Variants in HLCS observed in about 807,000 individuals in gnomAD.
HLCS encodes the protein holocarboxylase synthetase.
In HLCS, 53 loss-of-function variants were observed where a neutral mutation model predicts 75.0. The observed-to-expected ratio is 0.71, with a 90% CI of 0.57 to 0.89. HLCS has a LOEUF of 0.89. HLCS is among the 40% of genes least tolerant of loss of function. HLCS has a pLI of 0.00. For missense variants in HLCS, 966 were observed against 1,074.0 expected (o/e 0.90, Z 1.41); for synonymous variants, 431 against 428.6 (o/e 1.01, Z -0.07).
In HLCS at chr21:36,842,288, G is replaced by A. The variant is rs2062641209; in HGVS notation, c.1892+54572C>T. Among the ~76,000 whole-genome samples the A allele has an allele frequency of 1.3e-5, 2 of 152,172 alleles. No individual in the cohort carries two copies. The highest frequency in any genetic ancestry group is 4.8e-5 in the African/African-American group (2 of 41,438). ...TCAGGACAGTGTTCCCCAAAGGGAG[G>A]ATGCAGATGGGAAGGGACCTGAAGG... On this transcript the variant is annotated intron_variant, in intron 6 of 10. Transcript: ENST00000674895. The surrounding 1 kb of genome is among the most constrained non-coding windows in gnomAD (Gnocchi z 4.2).
At chr21:36,784,610 C>G (rs2060633801) in intron 6 of HLCS, among the ~76,000 whole-genome samples, 1 of 152,094 alleles carries the variant, frequency 6.6e-6, no homozygotes, top group Admixed American at 6.5e-5. Flanking sequence ...GCCACCATGC[C>G]CGGCCGGCCA....
intron 4 of HLCS, among the ~76,000 whole-genome samples, chr21:36,931,473 G>A (rs1255110545): frequency 6.6e-6 from 1 of 151,982 alleles, no homozygotes; most frequent in East Asian, 1.9e-4. Context: ...CAGGAGGCTG[G>A]GTATAAAGGC....
At chr21:36,954,552 C>T (rs1373452491) in intron 2 of HLCS, among the ~76,000 whole-genome samples, 2 of 146,224 alleles carry the variant, frequency 1.4e-5, no homozygotes, top group African/African-American at 5.1e-5. Context: ...GGAGGTGGAG[C>T]TTGCAGCGAG....
At chr21:36,832,692 C>T (rs946062069) in intron 6 of HLCS, among the ~76,000 whole-genome samples, 1 of 152,120 alleles carries the variant, frequency 6.6e-6, no homozygotes, top group Non-Finnish European at 1.5e-5. Flanking sequence ...CATGGGAGGC[C>T]ATTCCCTAAC....
At chr21:36,864,732 G>C (rs895801435) in intron 6 of HLCS, among the ~76,000 whole-genome samples, 1 of 152,146 alleles carries the variant, frequency 6.6e-6, no homozygotes, top group African/African-American at 2.4e-5. Flanking sequence ...TTAAAAAGAT[G>C]AATGGGCCTT....
intron 6 of HLCS, among the ~76,000 whole-genome samples, chr21:36,790,318 T>C (rs771953689): frequency 1.1e-4 from 16 of 152,100 alleles, no homozygotes; most frequent in Non-Finnish European, 1.9e-4. Context: ...GCAGGAGAAT[T>C]GCTTGAACCC....
intron 6 of HLCS, among the ~76,000 whole-genome samples, chr21:36,777,412 C>A (rs906213954): frequency 1.3e-5 from 2 of 152,264 alleles, no homozygotes; most frequent in African/African-American, 2.4e-5. Context: ...CGAAAACTGG[C>A]AGCAGGCCAG....
At chr21:36,786,976 C>A (rs1372960869) in intron 6 of HLCS, among the ~76,000 whole-genome samples, 2 of 152,204 alleles carry the variant, frequency 1.3e-5, no homozygotes. Flanking sequence ...GGGCCCAGCA[C>A]ACCCCCAAGT....
intron 5 of HLCS, among the ~76,000 whole-genome samples, chr21:36,914,618 T>C (rs2835531): frequency 0.36 from 54,728 of 152,132 alleles, 10,231 homozygotes; most frequent in Middle Eastern, 0.47. Context: ...TCATTTCTAA[T>C]AAGGCTGGTT....
intron 6 of HLCS, among the ~76,000 whole-genome samples, chr21:36,785,136 G>A (rs1037621803): frequency 1.3e-5 from 2 of 151,942 alleles, no homozygotes; most frequent in African/African-American, 2.4e-5. Context: ...TCACCACCCT[G>A]ACGCCCTGTG....
rs200081708 is a variant in HLCS, at chr21:36,893,168, TC to T, written c.1892+3691del. ...TCACTGCAACCTCTGCCTCCAAAGT[TC>T]AAGCAATTCTCCTGCCTCAGCCTCT... On this transcript the variant is annotated intron_variant, in intron 6 of 10. Coordinates refer to ENST00000674895, the MANE Select transcript of HLCS (RefSeq NM_001352514.2). Among the ~76,000 whole-genome samples, 1,442 of 152,250 alleles carry T rather than the reference TC, an allele frequency of 9.5e-3. 26 individuals are homozygous for T. Among genetic ancestry groups the T allele is most frequent in the African/African-American group, 0.033 (1,357 of 41,556 alleles).
chr21:36,960,596 C>T (rs2068240544), intron 2 of HLCS, among the ~76,000 whole-genome samples: 1 of 152,200 alleles, frequency 6.6e-6, no homozygotes, highest in East Asian at 1.9e-4. Flanking sequence ...TTTTGGTTCA[C>T]CCTGAATTCC....
intron 6 of HLCS, among the ~76,000 whole-genome samples, chr21:36,863,693 G>A (rs980651756): frequency 1.3e-5 from 2 of 152,210 alleles, no homozygotes; most frequent in Non-Finnish European, 2.9e-5. Flanking sequence ...GCATAGTAAT[G>A]AAAACTGAAA....
At chr21:36,976,328 T>C (rs975804692) in intron 1 of HLCS, among the ~76,000 whole-genome samples, 1 of 152,152 alleles carries the variant, frequency 6.6e-6, no homozygotes, top group Non-Finnish European at 1.5e-5. Context: ...ACAAAGAGGT[T>C]TGTGATACCC....
rs151190903 is a variant in HLCS at position 36,758,823 on chromosome 21, A to T, written c.2236+904T>A. Among the ~76,000 whole-genome samples the T allele has an allele frequency of 8.4e-3, 1,280 of 152,270 alleles. 17 individuals are homozygous for T. Among genetic ancestry groups the T allele is most frequent in the African/African-American group, 0.028 (1,177 of 41,542 alleles). On this transcript the variant is annotated intron_variant, in intron 9 of 10. Coordinates refer to ENST00000674895, the MANE Select transcript of HLCS (RefSeq NM_001352514.2). ...TAGTGAAACCCTGTGTCTACTAAAA[A>T]TACAAAAAAATTAGCTGGGTGTGGT... is the stretch of plus-strand genomic sequence containing the variant.
Position 36,966,425 on chromosome 21 carries a change from GCCC to G in HLCS, c.195+16_195+18del. 2.2e-4 allele frequency: 43 copies of G among 195,400 alleles called. No individual in the cohort carries two copies. The highest frequency in any genetic ancestry group is 5.9e-4 in the South Asian group (3 of 5,108). 12.1% of individuals were successfully genotyped at this position (195,400 alleles called of 1,614,324 possible). ...CCGGCTCGCGGGGCCCGGGTCGCCC[GCCC>G]GCCCGACCCGCCCACCTGGCTGTCG... On this transcript the variant is annotated intron_variant, in intron 1 of 10. Transcript: ENST00000674895.
chr21:36,825,536 A>T (rs1352701851), intron 6 of HLCS, among the ~76,000 whole-genome samples: 1 of 152,126 alleles, frequency 6.6e-6, no homozygotes, highest in Non-Finnish European at 1.5e-5. Context: ...AATACACTTC[A>T]TTCATCTTCC....
At chr21:36,893,806 C>T (rs1424752290) in intron 6 of HLCS, among the ~76,000 whole-genome samples, 4 of 152,150 alleles carry the variant, frequency 2.6e-5, no homozygotes, top group East Asian at 1.9e-4. Context: ...GACCACAGCC[C>T]GGGGGTCGGG....
At chr21:36,870,835 C>G (rs1261210489) in intron 6 of HLCS, among the ~76,000 whole-genome samples, 3 of 152,104 alleles carry the variant, frequency 2.0e-5, no homozygotes, top group Admixed American at 2.0e-4. Context: ...TTTTAAAAGA[C>G]CTGGGCAGAA....
Sources: allele counts gnomAD v4.1 joint callset (sites outside exome capture counted in the v4.1 genomes callset), GRCh38; gene constraint gnomAD v4.1.1; non-coding constraint Gnocchi (gnomAD v3.1); transcripts MANE v1.5; gene names NCBI Gene and HGNC (gene_info 2026-07-23, HGNC 2026-07-21).